Variants in TRAF3IP2 observed in about 807,000 individuals in gnomAD.
TRAF3IP2 encodes the protein E3 ubiquitin ligase TRAF3IP2.
A neutral mutation model predicts 57.9 loss-of-function variants in TRAF3IP2; 35 were observed. That is an observed-to-expected ratio of 0.60 (90% CI 0.46 to 0.80). TRAF3IP2 has a LOEUF of 0.80. Ranked by LOEUF, TRAF3IP2 falls within the 30% of genes least tolerant of loss-of-function variation. The pLI is 0.00. For synonymous variants in TRAF3IP2, 251 were observed against 268.9 expected, an observed-to-expected ratio of 0.93 and a Z score of 0.65; for missense variants, 556 against 706.4, an observed-to-expected ratio of 0.79 and a Z score of 2.41.
intron 1 of TRAF3IP2, chr6:111,600,660 C>A (rs1796835905): frequency 6.6e-6 from 1 of 152,104 alleles, no homozygotes; most frequent in South Asian, 2.1e-4. Flanking sequence ...AGAAAAGACA[C>A]CCTTTAAACA....
At chr6:111,596,441 C>T (rs992179295) in intron 1 of TRAF3IP2, among the ~76,000 whole-genome samples, 2 of 151,952 alleles carry the variant, frequency 1.3e-5, no homozygotes, top group Admixed American at 6.6e-5. Context: ...TACAGGCGCA[C>T]GCCATCATGC....
At chr6:111,595,116 C>T (rs894439571) in intron 1 of TRAF3IP2, among the ~76,000 whole-genome samples, 19 of 152,002 alleles carry the variant, frequency 1.2e-4, no homozygotes, top group Non-Finnish European at 2.1e-4. Flanking sequence ...CCTGTAACCC[C>T]GGCTACTTGG....
At position 111,580,496 on chromosome 6, in the gene TRAF3IP2, G is replaced by A. The variant is rs1423042272; in HGVS notation, c.830-107C>T. 4.1e-6 allele frequency: 4 copies of A among 977,258 alleles called. No individual in the cohort carries two copies. In the African/African-American group the frequency reaches 5.0e-5, roughly 12 times the overall value. 60.5% of individuals were successfully genotyped at this position (977,258 alleles called of 1,614,324 possible). The stretch of plus-strand genomic sequence containing the variant: ...TTTGTGTCTTGATCCCAGCTGAGGG[G>A]TCCAGATATCTGTTACCACCTCTGT... On this transcript the variant is annotated intron_variant, in intron 2 of 8. Transcript: ENST00000368761.
At chr6:111,564,944 C>T (rs1795579565) in intron 7 of TRAF3IP2, among the ~76,000 whole-genome samples, 1 of 152,182 alleles carries the variant, frequency 6.6e-6, no homozygotes, top group Admixed American at 6.5e-5. Context: ...ATGCATCAGA[C>T]AACCAAGGGC....
chr6:111,556,443 C>T lies in TRAF3IP2; in HGVS notation c.*2962G>A, dbSNP rs1328402289. The T allele has an allele frequency of 1.3e-5, 2 of 152,278 alleles. No homozygotes were observed. Among genetic ancestry groups the T allele is most frequent in the East Asian group, 3.9e-4 (2 of 5,184 alleles). 9.4% of individuals were successfully genotyped at this position (152,278 alleles called of 1,614,324 possible). A position where few individuals can be genotyped will look rare whatever the true frequency, so the allele number is the denominator to read the frequency against. On this transcript the variant is annotated 3_prime_UTR_variant, in exon 9 of 9. Transcript: ENST00000368761. ...AAGTCTTTGCAAACTAGAAACATTT[C>T]AGAGTAATTGCTGATGTCATTTTAT... is the stretch of plus-strand genomic sequence containing the variant.
chr6:111,599,202 C>G (rs1796785021), intron 1 of TRAF3IP2, among the ~76,000 whole-genome samples: 3 of 151,974 alleles, frequency 2.0e-5, no homozygotes, highest in African/African-American at 7.3e-5. Flanking sequence ...GCCACTGCAC[C>G]CAGCCTGACA....
chr6:111,599,114 C>T (rs1282634442), intron 1 of TRAF3IP2, among the ~76,000 whole-genome samples: 1 of 145,260 alleles, frequency 6.9e-6, no homozygotes, highest in African/African-American at 2.6e-5. Context: ...CGCCATGTTG[C>T]CTAGGCTGGT....
At chr6:111,595,966 GA>G (rs1044742012) in intron 1 of TRAF3IP2, among the ~76,000 whole-genome samples, 1 of 152,008 alleles carries the variant, frequency 6.6e-6, no homozygotes, top group Admixed American at 6.6e-5. Context: ...GAAAACCCAC[GA>G]CCGGCGTCCC....
In TRAF3IP2 at chr6:111,559,271, T is replaced by TG; in HGVS notation, c.*133dup. ...GAAGAGCTCTGCACAACAGGTTTCCTGGGGGCCAGAGGGCCTCTCGGGGAG... is the reference window on the plus strand; with the variant it reads ...GAAGAGCTCTGCACAACAGGTTTCCTGGGGGGCCAGAGGGCCTCTCGGGGAG... On this transcript the variant is annotated 3_prime_UTR_variant, in exon 9 of 9. Coordinates refer to ENST00000368761, the MANE Select transcript of TRAF3IP2 (RefSeq NM_147686.4). The TG allele has an allele frequency of 7.8e-7, 1 of 1,282,770 alleles. No individual in the cohort carries two copies. Among genetic ancestry groups the TG allele is most frequent in the Non-Finnish European group, 1.1e-6 (1 of 934,124 alleles). 79.5% of individuals were successfully genotyped at this position (1,282,770 alleles called of 1,614,324 possible). A position where few individuals can be genotyped will look rare whatever the true frequency, so the allele number is the denominator to read the frequency against.
chr6:111,561,763 A>C (rs1165134569), intron 8 of TRAF3IP2, among the ~76,000 whole-genome samples: 1 of 152,208 alleles, frequency 6.6e-6, no homozygotes, highest in Non-Finnish European at 1.5e-5. Flanking sequence ...CAAAATTTGT[A>C]AGCTACCAAG....
At position 111,580,258 on chromosome 6, in the gene TRAF3IP2, A is replaced by G. The variant is rs1489243651; in HGVS notation, c.961T>C (p.Trp321Arg). The change falls in exon 3 of 9, where the codon TGG becomes CGG. Residue 321 changes from tryptophan (W) to arginine (R), a missense_variant. By Grantham distance (101) the Trp-to-Arg change is moderately radical. This residue lies in a region of TRAF3IP2 where 428 missense variants were observed against 498.7 expected (regional missense o/e 0.86). Transcript: ENST00000368761. ...QKVILNYPSP[W>R]DHEERPAQRD... ...TGTGCGGGCCTCTCTTCGTGGTCCC[A>G]GGGGCTGGGATAATTCAGGATAACC... The G allele has an allele frequency of 2.5e-6, 4 of 1,613,096 alleles. No homozygotes were observed. The South Asian group carries it at 4.4e-5, about 18-fold the overall frequency.
chr6:111,561,054 C>T (rs1362676937), intron 8 of TRAF3IP2, among the ~76,000 whole-genome samples: 1 of 151,652 alleles, frequency 6.6e-6, no homozygotes, highest in East Asian at 1.9e-4. Context: ...TGGTGGCGAG[C>T]ACCTATAACC....
intron 5 of TRAF3IP2, among the ~76,000 whole-genome samples, chr6:111,568,731 A>C (rs561694617): frequency 2.0e-5 from 3 of 152,100 alleles, no homozygotes; most frequent in Non-Finnish European, 4.4e-5. Context: ...TCCATGATCC[A>C]GCCTCGCCAT....
intron 8 of TRAF3IP2, among the ~76,000 whole-genome samples, chr6:111,562,067 G>A (rs1218668449): frequency 6.6e-6 from 1 of 152,244 alleles, no homozygotes; most frequent in Non-Finnish European, 1.5e-5. Context: ...CAGGGCCTGA[G>A]TTTAGGGTGC....
At chr6:111,571,595 T>C (rs1037144750) in intron 5 of TRAF3IP2, among the ~76,000 whole-genome samples, 3 of 152,218 alleles carry the variant, frequency 2.0e-5, no homozygotes, top group Non-Finnish European at 4.4e-5. Flanking sequence ...ATAAGTTGTA[T>C]GCATTTTTTA....
intron 1 of TRAF3IP2, among the ~76,000 whole-genome samples, chr6:111,597,152 C>T (rs2128384917): frequency 6.6e-6 from 1 of 152,156 alleles, no homozygotes; most frequent in South Asian, 2.1e-4. Flanking sequence ...GTGGGTGACC[C>T]TTCCCTCTTC....
At chr6:111,596,354 T>C (rs1222976084) in intron 1 of TRAF3IP2, among the ~76,000 whole-genome samples, 2 of 152,090 alleles carry the variant, frequency 1.3e-5, no homozygotes, top group Non-Finnish European at 2.9e-5. Context: ...GAGCAGTACC[T>C]AGATCATGGT....
At chr6:111,565,079 C>T (rs1329700919) in intron 7 of TRAF3IP2, among the ~76,000 whole-genome samples, 1 of 152,206 alleles carries the variant, frequency 6.6e-6, no homozygotes, top group Non-Finnish European at 1.5e-5. Context: ...GCCTTATCTC[C>T]TGACTCCCTG....
chr6:111,601,066 T>C lies in TRAF3IP2; in HGVS notation c.-9+4710A>G. 5.2e-6 allele frequency: 3 copies of C among 579,640 alleles called. No individual in the cohort carries two copies. In the South Asian group the frequency reaches 7.2e-5, roughly 14 times the overall value. The allele number at this position is 579,640 out of a possible 1,614,324, so 35.9% of individuals were successfully genotyped here. A position where few individuals can be genotyped will look rare whatever the true frequency, so the allele number is the denominator to read the frequency against. On this transcript the variant is annotated intron_variant, in intron 1 of 8. Transcript: ENST00000368761. ...ATATAAGCGGTTTGGCACCAGATCCTGTGCACTTAACCGCTTGCATCTCGG... is the reference window on the plus strand; with the variant it reads ...ATATAAGCGGTTTGGCACCAGATCCCGTGCACTTAACCGCTTGCATCTCGG...
Sources: allele counts gnomAD v4.1 joint callset (sites outside exome capture counted in the v4.1 genomes callset), GRCh38; gene constraint gnomAD v4.1.1; regional missense constraint gnomAD v4.1.1; transcripts MANE v1.5; gene names NCBI Gene and HGNC (gene_info 2026-07-23, HGNC 2026-07-21).